MUC17: variants seen among roughly 807,000 people sequenced by gnomAD.
The protein encoded by MUC17 is mucin 17, cell surface associated.
A neutral mutation model predicts 170.3 loss-of-function variants in MUC17; 190 were observed. The ratio of observed to expected loss-of-function variants is 1.12; its 90% CI spans 0.99 to 1.26. The LOEUF is 1.26. MUC17 is among the 50% of genes most tolerant of loss of function. MUC17 has a pLI of 0.00. For missense variants in MUC17, 6,415 were observed against 5,530.0 expected, an observed-to-expected ratio of 1.16 and a Z score of -5.08; for synonymous variants, 2,325 against 2,002.5, an observed-to-expected ratio of 1.16 and a Z score of -4.30.
chr7:101,040,808 A>T lies in MUC17; in HGVS notation c.9392A>T (p.Asp3131Val). 2 of 1,613,488 alleles carry T rather than the reference A, an allele frequency of 1.2e-6. No homozygotes were observed. Among genetic ancestry groups the T allele is most frequent in the South Asian group, 2.2e-5 (2 of 91,056 alleles). Reference sequence around the variant, plus strand: ...AGCACCCTTTCAACAACTCCTGTTGACACCAGCACACCTGTGACCACTTCT... The same window carrying T: ...AGCACCCTTTCAACAACTCCTGTTGTCACCAGCACACCTGTGACCACTTCT... Reference protein sequence around the residue: ...AISTLSTTPVDTSTPVTTSTE... With the variant: ...AISTLSTTPVVTSTPVTTSTE... Residue 3131 changes from aspartate to valine, a missense_variant, in exon 3 of 13, where the codon GAC (aspartate) becomes GTC (valine). Transcript: ENST00000306151.
At position 101,043,759 on chromosome 7, in the gene MUC17, A is replaced by G. The variant is rs1794782296; in HGVS notation, c.12343A>G (p.Thr4115Ala). 1 of 1,613,886 alleles carries G rather than the reference A, an allele frequency of 6.2e-7. No individual in the cohort carries two copies. Among genetic ancestry groups the G allele is most frequent in the Non-Finnish European group, 8.5e-7 (1 of 1,179,970 alleles). ...CACGGTGACCACCACCGCTGTCCCC[A>G]CGAATACTACAATTAAGAGCAACCC... Reference protein sequence around the residue: ...FPTVTTTAVPTNTTIKSNPTS... With the variant: ...FPTVTTTAVPANTTIKSNPTS... Residue 4115 changes from threonine to alanine, a missense_variant, in exon 3 of 13, where the codon ACG (threonine) becomes GCG (alanine). By Grantham distance (58) the Thr-to-Ala change is moderately conservative (BLOSUM62 0). Coordinates refer to ENST00000306151, the MANE Select transcript of MUC17 (RefSeq NM_001040105.2).
chr7:101,041,381 C>T lies in MUC17; in HGVS notation c.9965C>T (p.Pro3322Leu). ...VTTYSQASSS[P>L]PIADGTSMPT... ...ACTTATTCTCAAGCCAGTTCATCTCCTCCAATTGCTGACGGTACTAGCATG... is the reference window on the plus strand; with the variant it reads ...ACTTATTCTCAAGCCAGTTCATCTCTTCCAATTGCTGACGGTACTAGCATG... Residue 3322 changes from proline (P) to leucine (L), a missense_variant, in exon 3 of 13, where the codon CCT becomes CTT. Coordinates refer to ENST00000306151, the MANE Select transcript of MUC17 (RefSeq NM_001040105.2). The T allele has an allele frequency of 1.2e-6, 2 of 1,613,626 alleles. No individual in the cohort carries two copies. Among genetic ancestry groups the T allele is most frequent in the Non-Finnish European group, 1.7e-6 (2 of 1,179,744 alleles).
chr7:101,027,672 C>G (rs1232859338), intron 1 of MUC17, among the ~76,000 whole-genome samples: 1 of 152,106 alleles, frequency 6.6e-6, no homozygotes, highest in Admixed American at 6.6e-5. Context: ...ATTCTTTCTT[C>G]ACATATTTTT....
chr7:101,032,614 G>C lies in MUC17; in HGVS notation c.1198G>C (p.Val400Leu). Residue 400 changes from valine (V) to leucine (L), a missense_variant, in exon 3 of 13, where the codon GTC (valine) becomes CTC (leucine). Physicochemically the swap from Val to Leu is conservative, Grantham distance 32 (BLOSUM62 1). Transcript: ENST00000306151. Reference protein sequence around the residue: ...EGSTPLTNMPVSTILVASSEA... With the variant: ...EGSTPLTNMPLSTILVASSEA... ...AAGCACTCCATTAACAAATATGCCT[G>C]TCAGCACCATATTGGTGGCCAGTTC... 6.2e-7 allele frequency: 1 copy of C among 1,613,246 alleles called. No individual in the cohort carries two copies.
Position 101,035,414 on chromosome 7 carries a change from G to A in MUC17, c.3998G>A (p.Ser1333Asn), listed in dbSNP as rs147179553. The change falls in exon 3 of 13, where the codon AGT (serine) becomes AAT (asparagine). Residue 1333 changes from serine to asparagine, a missense_variant. Ser to Asn is a conservative substitution (Grantham distance 46, BLOSUM62 1). Transcript: ENST00000306151. ...EGTSMPTSTYSEGRTPLTSIP... is the reference protein window; with the variant it reads ...EGTSMPTSTYNEGRTPLTSIP... ...ACCAGCATGCCAACCTCAACTTATA[G>A]TGAAGGAAGAACTCCTTTAACAAGT... The A allele has an allele frequency of 1.9e-6, 3 of 1,606,844 alleles. No individual in the cohort carries two copies. Among genetic ancestry groups the A allele is most frequent in the Admixed American group, 3.3e-5 (2 of 59,730 alleles).
chr7:101,032,289 G>A lies in MUC17; in HGVS notation c.873G>A (p.Glu291=), dbSNP rs1465865880. Residue 291 remains glutamate, a synonymous_variant, in exon 3 of 13, where the codon GAG becomes GAA. Coordinates refer to ENST00000306151, the MANE Select transcript of MUC17 (RefSeq NM_001040105.2). The stretch of plus-strand genomic sequence containing the variant: ...GCGTGATGCTGGTGGTCAGTTCTGA[G>A]GCTAGCACCCTTTCAACAACTCCTG... ...PLSVMLVVSS[E]ASTLSTTPAA... 5 of 1,613,856 alleles carry A rather than the reference G, an allele frequency of 3.1e-6. No homozygotes were observed. Among genetic ancestry groups the A allele is most frequent in the Non-Finnish European group, 4.2e-6 (5 of 1,179,902 alleles).
Position 101,042,235 on chromosome 7 carries a change from G to C in MUC17, c.10819G>C (p.Val3607Leu), listed in dbSNP as rs762957200. The change falls in exon 3 of 13, where the codon GTG (valine) becomes CTG (leucine). Residue 3607 changes from valine (V) to leucine (L), a missense_variant. Coordinates refer to ENST00000306151, the MANE Select transcript of MUC17 (RefSeq NM_001040105.2). ...TCCTTCTGTTGACAGAAGCACACCTGTGACCACTTCTACTCAGAGCAATTC... is the reference window on the plus strand; with the variant it reads ...TCCTTCTGTTGACAGAAGCACACCTCTGACCACTTCTACTCAGAGCAATTC... ...STPSVDRSTP[V>L]TTSTQSNSTP... The C allele has an allele frequency of 6.2e-7, 1 of 1,614,164 alleles. No individual in the cohort carries two copies. Among genetic ancestry groups the C allele is most frequent in the Non-Finnish European group, 8.5e-7 (1 of 1,180,028 alleles).
At chr7:101,048,141 C>T in intron 4 of MUC17, 26 bp downstream of exon 4, 1 of 1,537,166 alleles carries the variant, frequency 6.5e-7, no homozygotes, top group East Asian at 2.4e-5. Flanking sequence ...GGCCTTCCCC[C>T]ACCCCATGCC....
In MUC17 at chr7:101,036,895, A is replaced by G. The variant is rs1191152191; in HGVS notation, c.5479A>G (p.Thr1827Ala). The G allele has an allele frequency of 1.2e-6, 2 of 1,613,210 alleles. No individual in the cohort carries two copies. Among genetic ancestry groups the G allele is most frequent in the African/African-American group, 2.7e-5 (2 of 74,864 alleles). The change falls in exon 3 of 13, where the codon ACC (threonine) becomes GCC (alanine). Residue 1827 changes from threonine to alanine, a missense_variant. Transcript: ENST00000306151. ...GCTGGTGGCCAATTCTGAGGCTAGC[A>G]CCCTTTCAACAACTCCTGTTGACTC... ...HTLVANSEAS[T>A]LSTTPVDSNS...
At position 101,038,353 on chromosome 7, in the gene MUC17, T is replaced by A. The variant is rs375199667; in HGVS notation, c.6937T>A (p.Ser2313Thr). ...TGACTCCAACACTCCTTTCACTACT[T>A]CTACTGAAGCCAGTTCACCTCCTCC... ...PVDSNTPFTTSTEASSPPPTA... is the reference protein window; with the variant it reads ...PVDSNTPFTTTTEASSPPPTA... The change falls in exon 3 of 13, where the codon TCT becomes ACT. Residue 2313 changes from serine (S) to threonine (T), a missense_variant. Coordinates refer to ENST00000306151, the MANE Select transcript of MUC17 (RefSeq NM_001040105.2). 2.5e-6 allele frequency: 4 copies of A among 1,613,446 alleles called. No individual in the cohort carries two copies. The African/African-American group carries it at 5.4e-5, about 22-fold the overall frequency.
rs1400720762 is a variant in MUC17 at position 101,032,262 on chromosome 7, C to G, written c.846C>G (p.Leu282=). 6.2e-7 allele frequency: 1 copy of G among 1,613,752 alleles called. No individual in the cohort carries two copies. The highest frequency in any genetic ancestry group is 1.3e-5 in the African/African-American group (1 of 74,928). The change falls in exon 3 of 13, where the codon CTC becomes CTG. Residue 282 remains leucine, a synonymous_variant. Transcript: ENST00000306151. ...GCACTCCATTAACAAGAATGCCTCT[C>G]AGCGTGATGCTGGTGGTCAGTTCTG... ...GGSTPLTRMP[L]SVMLVVSSEA...
At chr7:101,025,562 C>T (rs1470012308) in intron 1 of MUC17, among the ~76,000 whole-genome samples, 1 of 151,996 alleles carries the variant, frequency 6.6e-6, no homozygotes, top group African/African-American at 2.4e-5. Flanking sequence ...GAGGCCAAGG[C>T]GGGCGGATTG....
chr7:101,039,604 A>G lies in MUC17; in HGVS notation c.8188A>G (p.Ser2730Gly), dbSNP rs1204913988. The G allele has an allele frequency of 6.2e-7, 1 of 1,612,966 alleles. No individual in the cohort carries two copies. Among genetic ancestry groups the G allele is most frequent in the Non-Finnish European group, 8.5e-7 (1 of 1,179,572 alleles). The change falls in exon 3 of 13, where the codon AGT becomes GGT. Residue 2730 changes from serine (S) to glycine (G), a missense_variant. Coordinates refer to ENST00000306151, the MANE Select transcript of MUC17 (RefSeq NM_001040105.2). ...ACCTGTCACCACTTCTGCTGAAGCC[A>G]GTTCTTCTCCTACAACTGCTGAAGG... ...STPVTTSAEA[S>G]SSPTTAEGTS...
intron 3 of MUC17, among the ~76,000 whole-genome samples, chr7:101,044,579 C>T (rs900022431): frequency 3.3e-5 from 5 of 152,206 alleles, no homozygotes; most frequent in African/African-American, 9.7e-5. Context: ...TTGAACAAAG[C>T]ATTACCTCTC....
At chr7:101,051,144 T>C (rs1298153504) in intron 7 of MUC17, among the ~76,000 whole-genome samples, 1 of 151,892 alleles carries the variant, frequency 6.6e-6, no homozygotes, top group Non-Finnish European at 1.5e-5. Flanking sequence ...GACGGGCAGA[T>C]CACTTGAGGC....
At position 101,043,773 on chromosome 7, in the gene MUC17, T is replaced by C; in HGVS notation, c.12357T>C (p.Ile4119=). The change falls in exon 3 of 13, where the codon ATT becomes ATC. Residue 4119 remains isoleucine (I), a synonymous_variant. Transcript: ENST00000306151. ...CCGCTGTCCCCACGAATACTACAATTAAGAGCAACCCCACCTCAACTCCTA... is the reference window on the plus strand; with the variant it reads ...CCGCTGTCCCCACGAATACTACAATCAAGAGCAACCCCACCTCAACTCCTA... The part of the protein sequence containing the change: ...TTTAVPTNTT[I]KSNPTSTPTV... 3 of 1,613,068 alleles carry C rather than the reference T, an allele frequency of 1.9e-6. No individual in the cohort carries two copies. The highest frequency in any genetic ancestry group is 2.5e-6 in the Non-Finnish European group (3 of 1,179,276).
Position 101,037,307 on chromosome 7 carries a change from G to T in MUC17, c.5891G>T (p.Ser1964Ile). 6.2e-7 allele frequency: 1 copy of T among 1,613,916 alleles called. No homozygotes were observed. The highest frequency in any genetic ancestry group is 8.5e-7 in the Non-Finnish European group (1 of 1,179,882). Reference protein sequence around the residue: ...RTPVTTYSQASSSPTTADGTS... With the variant: ...RTPVTTYSQAISSPTTADGTS... ...CCTGTGACCACTTATTCTCAAGCCA[G>T]TTCATCTCCTACAACTGCTGATGGT... Residue 1964 changes from serine (S) to isoleucine (I), a missense_variant, in exon 3 of 13, where the codon AGT becomes ATT. Physicochemically the swap from Ser to Ile is moderately radical, Grantham distance 142. Transcript: ENST00000306151.
In MUC17 at chr7:101,037,642, A is replaced by G. The variant is rs1333516168; in HGVS notation, c.6226A>G (p.Thr2076Ala). 1.2e-6 allele frequency: 2 copies of G among 1,613,814 alleles called. No homozygotes were observed. The highest frequency in any genetic ancestry group is 1.7e-6 in the Non-Finnish European group (2 of 1,179,872). ...TTPVDSKTQV[T>A]NSTEASSSAT... Reference sequence around the variant, plus strand: ...TCCTGTTGACTCCAAAACTCAGGTGACCAATTCTACTGAAGCCAGTTCATC... The same window carrying G: ...TCCTGTTGACTCCAAAACTCAGGTGGCCAATTCTACTGAAGCCAGTTCATC... The change falls in exon 3 of 13, where the codon ACC (threonine) becomes GCC (alanine). Residue 2076 changes from threonine (T) to alanine (A), a missense_variant. Coordinates refer to ENST00000306151, the MANE Select transcript of MUC17 (RefSeq NM_001040105.2).
At position 101,043,943 on chromosome 7, in the gene MUC17, A is replaced by G. The variant is rs919619237; in HGVS notation, c.12403+124A>G. On this transcript the variant is annotated intron_variant, in intron 3 of 12. Coordinates refer to ENST00000306151, the MANE Select transcript of MUC17 (RefSeq NM_001040105.2). The stretch of plus-strand genomic sequence containing the variant: ...GCCATGTTGGTTTGCTGCACCCATT[A>G]ACTCATCATTTACATTAGGTATTTC... 1.8e-5 allele frequency: 16 copies of G among 888,878 alleles called. No homozygotes were observed. The African/African-American group carries it at 2.2e-4, about 12-fold the overall frequency. The allele number at this position is 888,878 out of a possible 1,614,324, so 55.1% of individuals were successfully genotyped here. A position where few individuals can be genotyped will look rare whatever the true frequency, so the allele number is the denominator to read the frequency against.
Sources: gnomAD v4.1 joint callset for allele counts (sites outside exome capture counted in the v4.1 genomes callset) on GRCh38, gnomAD v4.1.1 for gene constraint, MANE v1.5 for transcripts, NCBI Gene and HGNC (gene_info 2026-07-23, HGNC 2026-07-21) for gene names.